The following RBFOX1 variants were observed in gnomAD, a reference collection of about 807,000 sequenced individuals.
The protein encoded by RBFOX1 is RNA binding protein fox-1 homolog 1.
In RBFOX1, 8 loss-of-function variants were observed where a neutral mutation model predicts 57.7. That is an observed-to-expected ratio of 0.14 (90% CI 0.08 to 0.25). The LOEUF (loss-of-function observed/expected upper bound fraction) is 0.25, where lower values mean the gene tolerates loss of function less well. Among genes scored for constraint, RBFOX1 ranks in the 10% least tolerant of loss-of-function variants. The probability of loss-of-function intolerance (pLI) is 1.00; values close to 1 mark genes in which losing one functional copy is unlikely to be tolerated. For synonymous variants in RBFOX1, 326 were observed against 222.4 expected, an observed-to-expected ratio of 1.47 and a Z score of -4.15; for missense variants, 611 against 548.5, an observed-to-expected ratio of 1.11 and a Z score of -1.14.
intron 1 of RBFOX1, among the ~76,000 whole-genome samples, chr16:6,263,986 T>G (rs2097717485): frequency 6.6e-6 from 1 of 152,206 alleles, no homozygotes; most frequent in African/African-American, 2.4e-5. Flanking sequence ...CTAAAACATT[T>G]TTTTTTAAGG....
chr16:7,342,604 T>C (rs1171163050), intron 4 of RBFOX1, among the ~76,000 whole-genome samples: 2 of 152,190 alleles, frequency 1.3e-5, no homozygotes, highest in Non-Finnish European at 2.9e-5. Flanking sequence ...ACTTCTCTGC[T>C]CCCATTCTTG....
intron 4 of RBFOX1, among the ~76,000 whole-genome samples, chr16:7,463,483 G>C (rs190678341): frequency 6.6e-6 from 1 of 152,246 alleles, no homozygotes; most frequent in Admixed American, 6.5e-5. Context: ...CAGCCTGGGC[G>C]ACAGAGTGAG....
At chr16:6,022,330 A>G (rs1483247931) in intron 1 of RBFOX1, among the ~76,000 whole-genome samples, 1 of 152,136 alleles carries the variant, frequency 6.6e-6, no homozygotes, top group Non-Finnish European at 1.5e-5. Context: ...GAAGAATATT[A>G]GAAGTGGCTT....
chr16:6,587,708 A>G (rs967550459), intron 2 of RBFOX1, among the ~76,000 whole-genome samples: 1 of 152,204 alleles, frequency 6.6e-6, no homozygotes, highest in African/African-American at 2.4e-5. Flanking sequence ...ATGATTTTTC[A>G]AAGAAAGAAC....
intron 4 of RBFOX1, among the ~76,000 whole-genome samples, chr16:7,374,177 G>C (rs987520624): frequency 6.6e-6 from 1 of 152,132 alleles, no homozygotes; most frequent in African/African-American, 2.4e-5. Context: ...TGGAATAGTG[G>C]GAATGGCATG....
At chr16:6,821,510 C>T (rs985253570) in intron 3 of RBFOX1, among the ~76,000 whole-genome samples, 15 of 152,156 alleles carry the variant, frequency 9.9e-5, no homozygotes, top group African/African-American at 3.6e-4. Flanking sequence ...TTTTCATTAT[C>T]CCAAAAAGAA....
chr16:7,699,786 C>G (rs532893533), intron 14 of RBFOX1, among the ~76,000 whole-genome samples: 1 of 151,314 alleles, frequency 6.6e-6, no homozygotes. Flanking sequence ...TGACATATGT[C>G]TTGCATGTGT....
chr16:5,712,662 C>G (rs1370453095), intron 3 of RBFOX1, among the ~76,000 whole-genome samples: 1 of 152,146 alleles, frequency 6.6e-6, no homozygotes, highest in African/African-American at 2.4e-5. Context: ...AGAGAAGTTG[C>G]CTGTGGTCAC....
At chr16:6,379,031 C>T (rs972584898) in intron 2 of RBFOX1, among the ~76,000 whole-genome samples, 12 of 152,022 alleles carry the variant, frequency 7.9e-5, no homozygotes, top group Non-Finnish European at 1.2e-4. Context: ...TGAGGAGAAT[C>T]GGTGTTGGGA....
chr16:5,917,240 G>T (rs2058724492), intron 4 of RBFOX1, among the ~76,000 whole-genome samples: 1 of 152,118 alleles, frequency 6.6e-6, no homozygotes, highest in Admixed American at 6.6e-5. Flanking sequence ...TTGCTAAAGG[G>T]CTCCAGTGTT....
At chr16:5,652,149 T>C in intron 3 of RBFOX1, among the ~76,000 whole-genome samples, 1 of 152,118 alleles carries the variant, frequency 6.6e-6, no homozygotes. Flanking sequence ...AATTATACTT[T>C]TAATGATGAT....
intron 3 of RBFOX1, among the ~76,000 whole-genome samples, chr16:6,701,614 G>C (rs12920208): frequency 0.076 from 11,598 of 152,040 alleles, 578 homozygotes; most frequent in African/African-American, 0.14. Flanking sequence ...GAGGTGCCAG[G>C]CTCTTTATAA....
intron 4 of RBFOX1, among the ~76,000 whole-genome samples, chr16:7,144,380 G>T (rs1251610920): frequency 6.2e-5 from 9 of 145,760 alleles, no homozygotes; most frequent in African/African-American, 2.3e-4. Flanking sequence ...GGCCACCCAG[G>T]TTAAAACTTC....
intron 3 of RBFOX1, among the ~76,000 whole-genome samples, chr16:5,784,217 C>T (rs567486943): frequency 1.4e-4 from 22 of 152,124 alleles, no homozygotes; most frequent in African/African-American, 3.6e-4. Flanking sequence ...GTCAGGAGAT[C>T]GAGACCATCC....
At chr16:7,668,326 T>C (rs541539790) in intron 13 of RBFOX1, among the ~76,000 whole-genome samples, 82 of 152,194 alleles carry the variant, frequency 5.4e-4, no homozygotes, top group Non-Finnish European at 1.1e-3. Context: ...AATGACCTCC[T>C]TCTGAAAGTT....
intron 6 of RBFOX1, among the ~76,000 whole-genome samples, chr16:7,584,249 G>A (rs2093973337): frequency 6.6e-6 from 1 of 152,130 alleles, no homozygotes; most frequent in East Asian, 1.9e-4. Flanking sequence ...AAAAATGCTT[G>A]GTAGGTATTT....
intron 3 of RBFOX1, among the ~76,000 whole-genome samples, chr16:5,712,986 A>G (rs939386984): frequency 3.5e-5 from 5 of 144,400 alleles, no homozygotes; most frequent in African/African-American, 1.3e-4. Flanking sequence ...TTGTAGTAGT[A>G]CATGCTGGTG....
At chr16:7,284,815 A>T (rs1036198847) in intron 4 of RBFOX1, among the ~76,000 whole-genome samples, 1 of 152,172 alleles carries the variant, frequency 6.6e-6, no homozygotes, top group Non-Finnish European at 1.5e-5. Context: ...TCACTGGCTG[A>T]GTGTTAGAGC....
rs745516454 is a variant in RBFOX1, at chr16:6,709,771, C to T, written c.-16+55121C>T. Among the ~76,000 whole-genome samples the T allele has an allele frequency of 3.9e-5, 6 of 152,080 alleles. No homozygotes were observed. In the East Asian group the frequency reaches 1.2e-3, roughly 29 times the overall value. On this transcript the variant is annotated intron_variant, in intron 3 of 15. Transcript: ENST00000550418. Reference sequence around the variant, plus strand: ...GGGTTTGATTCCCTCTAAACTCGCTCAGCCCAGGAGATACTGCGGCAAGTA... The same window carrying T: ...GGGTTTGATTCCCTCTAAACTCGCTTAGCCCAGGAGATACTGCGGCAAGTA...
Sources: allele counts gnomAD v4.1 joint callset (sites outside exome capture counted in the v4.1 genomes callset), GRCh38; gene constraint gnomAD v4.1.1; transcripts MANE v1.5; gene names NCBI Gene and HGNC (gene_info 2026-07-23, HGNC 2026-07-21).